Variants in GET1 observed in about 807,000 individuals in gnomAD.
GET1 encodes guided entry of tail-anchored proteins factor 1.
In GET1, 20 loss-of-function variants were observed where a neutral mutation model predicts 22.6. The ratio of observed to expected loss-of-function variants is 0.89; its 90% CI spans 0.62 to 1.29. GET1 has a LOEUF of 1.29. Among genes scored for constraint, GET1 ranks in the 50% most tolerant of loss-of-function variants. GET1 has a pLI of 0.00. For synonymous variants in GET1, 92 were observed against 83.8 expected (o/e 1.10, Z -0.53); for missense variants, 209 against 219.9 (o/e 0.95, Z 0.31).
downstream of GET1, chr21:39,409,971 A>T (rs767458635): frequency 1.4e-6 from 2 of 1,417,020 alleles, no homozygotes; most frequent in Non-Finnish European, 2.0e-6. The surrounding 1 kb of genome is among the most constrained non-coding windows in gnomAD (Gnocchi z 4.2). Flanking sequence ...TTAAAGAGTT[A>T]AAATTACCTT....
At chr21:39,389,520 A>C (rs1271957440) in intron 1 of GET1, among the ~76,000 whole-genome samples, 1 of 152,110 alleles carries the variant, frequency 6.6e-6, no homozygotes, top group African/African-American at 2.4e-5. Context: ...TATTTCTGTG[A>C]TCACCCTTTT....
At chr21:39,422,561 A>G (rs2073946723) in intron 1 of GET1, 1 of 229,044 alleles carries the variant, frequency 4.4e-6, no homozygotes, top group South Asian at 1.7e-4. Flanking sequence ...GAACGGATGC[A>G]CTGAGTAGGT....
At chr21:39,418,184 CAT>C (rs1310700402) in intron 1 of GET1, among the ~76,000 whole-genome samples, 2 of 152,188 alleles carry the variant, frequency 1.3e-5, no homozygotes, top group Non-Finnish European at 2.9e-5. Flanking sequence ...CCTCCCCTGA[CAT>C]GTGGGAACTG....
At chr21:39,421,964 T>G (rs1184562879) in intron 1 of GET1, 1 of 152,216 alleles carries the variant, frequency 6.6e-6, no homozygotes, top group African/African-American at 2.4e-5. Context: ...AAAACAGATT[T>G]GCTTTTACAT....
At chr21:39,421,541 C>A (rs1422207527) in intron 1 of GET1, 4 of 152,276 alleles carry the variant, frequency 2.6e-5, no homozygotes, top group Admixed American at 1.3e-4. Context: ...TGATTTAATT[C>A]AATAACCATC....
At chr21:39,423,304 G>A in intron 1 of GET1, 1 of 1,610,506 alleles carries the variant, frequency 6.2e-7, no homozygotes, top group East Asian at 2.2e-5. Context: ...TTGGTTTTCT[G>A]TAAGGATGGC....
intron 1 of GET1, chr21:39,420,561 G>T: frequency 4.5e-6 from 2 of 444,828 alleles, no homozygotes; most frequent in Non-Finnish European, 7.8e-6. Flanking sequence ...AACTGTGGAT[G>T]GGGGCCCAGG....
chr21:39,422,020 A>G (rs985707044), intron 1 of GET1: 1 of 152,252 alleles, frequency 6.6e-6, no homozygotes, highest in East Asian at 1.9e-4. Flanking sequence ...AAAAGGCCCA[A>G]TAATATCACT....
At chr21:39,396,384 C>T (rs960678895) in intron 4 of GET1, among the ~76,000 whole-genome samples, 5 of 152,094 alleles carry the variant, frequency 3.3e-5, no homozygotes, top group South Asian at 2.1e-4. Context: ...AAAAATTAGC[C>T]GGGTGCGGTG....
intron 4 of GET1, among the ~76,000 whole-genome samples, chr21:39,405,133 TA>T (rs2038975756): frequency 1.3e-5 from 2 of 151,882 alleles, no homozygotes; most frequent in Admixed American, 1.3e-4. Flanking sequence ...GCACCCAGCC[TA>T]TTTTTTTTTT....
chr21:39,390,300 C>A (rs1232802889), intron 1 of GET1, among the ~76,000 whole-genome samples: 1 of 152,142 alleles, frequency 6.6e-6, no homozygotes. Context: ...CACTAAACGC[C>A]AGGGTGATAA....
chr21:39,423,035 G>GTTCT, intron 1 of GET1: 1 of 1,614,074 alleles, frequency 6.2e-7, no homozygotes, highest in Non-Finnish European at 8.5e-7. Flanking sequence ...TTATGAGTGA[G>GTTCT]TTCTTCCCTT....
chr21:39,407,097 T>C (rs962920894), downstream of GET1, among the ~76,000 whole-genome samples: 3 of 152,062 alleles, frequency 2.0e-5, no homozygotes, highest in Non-Finnish European at 4.4e-5. Context: ...TGTGGTGGTG[T>C]CTGCCTGTAG....
chr21:39,381,450 C>T (rs1307351984), intron 1 of GET1, among the ~76,000 whole-genome samples: 1 of 152,200 alleles, frequency 6.6e-6, no homozygotes, highest in East Asian at 1.9e-4. Flanking sequence ...CATTGAGTGC[C>T]TGTTTTGTGC....
downstream of GET1, among the ~76,000 whole-genome samples, chr21:39,409,039 A>G (rs2039604572): frequency 6.6e-6 from 1 of 152,216 alleles, no homozygotes; most frequent in Non-Finnish European, 1.5e-5. The surrounding 1 kb of genome is among the most constrained non-coding windows in gnomAD (Gnocchi z 4.2). Flanking sequence ...CGTAACCCCC[A>G]GTATGGCTAT....
At chr21:39,403,901 G>A (rs534589930) in intron 4 of GET1, among the ~76,000 whole-genome samples, 34 of 152,164 alleles carry the variant, frequency 2.2e-4, no homozygotes, top group African/African-American at 3.1e-4. Flanking sequence ...GATTACAGGC[G>A]TGAGCCACTG....
intron 1 of GET1, among the ~76,000 whole-genome samples, chr21:39,412,990 A>G (rs373255254): frequency 5.6e-4 from 86 of 152,312 alleles, no homozygotes; most frequent in African/African-American, 2.0e-3. Flanking sequence ...AGGCTTTGCA[A>G]CAGAGAATCT....
chr21:39,418,747 G>A (rs761503867), intron 1 of GET1, among the ~76,000 whole-genome samples: 9 of 151,780 alleles, frequency 5.9e-5, no homozygotes, highest in Admixed American at 2.0e-4. Context: ...TGATCTGCCC[G>A]CCTCGGCCTC....
chr21:39,380,563 G>T (rs2037490868), intron 1 of GET1, 77 bp downstream of exon 1: 2 of 1,549,344 alleles, frequency 1.3e-6, no homozygotes, highest in East Asian at 4.8e-5. Context: ...GTAGGTACAG[G>T]GGTCTCAACT....
Sources: allele counts gnomAD v4.1 joint callset (sites outside exome capture counted in the v4.1 genomes callset), GRCh38; gene constraint gnomAD v4.1.1; non-coding constraint Gnocchi (gnomAD v3.1); transcripts MANE v1.5; gene names NCBI Gene and HGNC (gene_info 2026-07-23, HGNC 2026-07-21).